Variants in PAM observed in about 807,000 individuals in gnomAD.
The protein encoded by PAM is peptidyl-glycine alpha-amidating monooxygenase.
A neutral mutation model predicts 122.1 loss-of-function variants in PAM; 72 were observed. That is an observed-to-expected ratio of 0.59 (90% CI 0.49 to 0.72). The LOEUF (loss-of-function observed/expected upper bound fraction) is 0.72. PAM is among the 30% of genes least tolerant of loss of function. The pLI, the probability that PAM is intolerant of heterozygous loss-of-function variation, is 0.00. For missense variants in PAM, 1,106 were observed against 1,183.7 expected, an observed-to-expected ratio of 0.93 and a Z score of 0.96; for synonymous variants, 389 against 404.4, an observed-to-expected ratio of 0.96 and a Z score of 0.46.
chr5:102,990,915 T>A (rs1422691550), intron 16 of PAM, among the ~76,000 whole-genome samples: 1 of 152,146 alleles, frequency 6.6e-6, no homozygotes, highest in Non-Finnish European at 1.5e-5. Context: ...GGCCTTAAGG[T>A]TTTAATATAG....
chr5:102,921,595 G>A (rs767040961), intron 5 of PAM, among the ~76,000 whole-genome samples: 7 of 151,904 alleles, frequency 4.6e-5, no homozygotes, highest in Non-Finnish European at 8.8e-5. Context: ...TGTAAAACAG[G>A]GTTTTAAAAA....
Position 102,896,307 on chromosome 5 carries a change from G to A in PAM, c.211-5049G>A, listed in dbSNP as rs143338520. ...TTCTTCTCATCATCAGCCACAGTGT[G>A]ATTATAGTTTAAAAATGCAAATGGG... On this transcript the variant is annotated intron_variant, in intron 3 of 25. Transcript: ENST00000438793. Among the ~76,000 whole-genome samples the A allele has an allele frequency of 8.0e-3, 1,216 of 151,716 alleles. 22 individuals are homozygous for A. The highest frequency in any genetic ancestry group is 0.027 in the African/African-American group (1,137 of 41,448).
At chr5:102,824,262 A>G (rs1772919746) in intron 1 of PAM, among the ~76,000 whole-genome samples, 2 of 152,234 alleles carry the variant, frequency 1.3e-5, no homozygotes, top group African/African-American at 4.8e-5. Context: ...TACGGAACCA[A>G]ATTCCGTGGC....
At chr5:103,003,534 A>G (rs1778034673) in intron 17 of PAM, among the ~76,000 whole-genome samples, 2 of 151,926 alleles carry the variant, frequency 1.3e-5, no homozygotes, top group South Asian at 2.1e-4. Context: ...CATTGTATAC[A>G]TATGTCATAA....
intron 21 of PAM, among the ~76,000 whole-genome samples, chr5:103,013,372 T>C (rs188367446): frequency 7.5e-4 from 115 of 152,340 alleles, no homozygotes; most frequent in East Asian, 3.3e-3. Flanking sequence ...ATTGTTCACA[T>C]TGGCATATAA....
chr5:102,758,981 G>A (rs1253015437), intron 1 of PAM, among the ~76,000 whole-genome samples: 3 of 152,080 alleles, frequency 2.0e-5, no homozygotes, highest in African/African-American at 7.2e-5. Context: ...TGTTTATTCA[G>A]CCCACACTAA....
At chr5:102,930,879 T>C (rs1751274286) in intron 7 of PAM, among the ~76,000 whole-genome samples, 1 of 152,242 alleles carries the variant, frequency 6.6e-6, no homozygotes, top group Admixed American at 6.5e-5. Flanking sequence ...TAGGATGTAC[T>C]CTAATTAGAA....
At chr5:103,019,152 G>C (rs1363360516) in intron 22 of PAM, among the ~76,000 whole-genome samples, 1 of 152,062 alleles carries the variant, frequency 6.6e-6, no homozygotes, top group East Asian at 1.9e-4. Context: ...GGGGGGGACT[G>C]TTACAATACA....
intron 15 of PAM, among the ~76,000 whole-genome samples, chr5:102,977,663 C>CACACAG (rs930992943): frequency 1.8e-4 from 11 of 60,508 alleles, no homozygotes; most frequent in African/African-American, 8.2e-4. Flanking sequence ...TGTGCGCACA[C>CACACAG]ACACACACAC....
At chr5:102,780,943 C>T (rs1204703036) in intron 1 of PAM, among the ~76,000 whole-genome samples, 1 of 151,344 alleles carries the variant, frequency 6.6e-6, no homozygotes, top group Non-Finnish European at 1.5e-5. Context: ...TGTTTAGCAG[C>T]ATCTCTGGCT....
intron 1 of PAM, among the ~76,000 whole-genome samples, chr5:102,799,216 G>T (rs1043482843): frequency 1.3e-5 from 2 of 152,116 alleles, no homozygotes; most frequent in Non-Finnish European, 2.9e-5. Context: ...TAACAAACAG[G>T]ATGCTTTGCA....
In PAM at chr5:102,981,983, C is replaced by A. The variant is rs528399852; in HGVS notation, c.1483+7547C>A. 4.6e-5 allele frequency among the ~76,000 whole-genome samples: 7 copies of A among 152,214 alleles called. No individual in the cohort carries two copies. In the South Asian group the frequency reaches 1.5e-3, roughly 32 times the overall value. On this transcript the variant is annotated intron_variant, in intron 15 of 25. Coordinates refer to ENST00000438793, the MANE Select transcript of PAM (RefSeq NM_001177306.2). ...ATGTCACCCCATGTTTTAAATTTCC[C>A]ATGGACATACACCATCAGAGAGCCT...
At chr5:102,784,280 G>T (rs1221044034) in intron 1 of PAM, among the ~76,000 whole-genome samples, 1 of 152,072 alleles carries the variant, frequency 6.6e-6, no homozygotes, top group East Asian at 1.9e-4. Flanking sequence ...CAGCCTTTCT[G>T]TCCCTAGCAC....
intron 1 of PAM, chr5:102,865,360 A>T (rs1785239352): frequency 1.3e-5 from 2 of 152,096 alleles, no homozygotes; most frequent in African/African-American, 4.8e-5. Context: ...TTTCTATCTG[A>T]TTACTGTGGT....
At chr5:102,840,002 A>G (rs1730266005) in intron 1 of PAM, among the ~76,000 whole-genome samples, 2 of 152,184 alleles carry the variant, frequency 1.3e-5, no homozygotes, top group Non-Finnish European at 2.9e-5. Flanking sequence ...TCTATTAATC[A>G]TTATACTAGA....
At chr5:103,024,668 G>T (rs1215201181) in intron 23 of PAM, among the ~76,000 whole-genome samples, 1 of 152,000 alleles carries the variant, frequency 6.6e-6, no homozygotes, top group East Asian at 1.9e-4. Flanking sequence ...TATGAAGGAG[G>T]TCCTATTATT....
chr5:102,892,069 G>C (rs775339163), intron 3 of PAM, among the ~76,000 whole-genome samples: 25 of 151,668 alleles, frequency 1.6e-4, no homozygotes, highest in Non-Finnish European at 3.2e-4. Flanking sequence ...GTATAATTCT[G>C]GCCATTTAGA....
At chr5:102,801,430 C>T (rs139664703) in intron 1 of PAM, among the ~76,000 whole-genome samples, 66 of 152,292 alleles carry the variant, frequency 4.3e-4, no homozygotes, top group Admixed American at 2.6e-4. Context: ...AAGCTATTGA[C>T]ATCATTTGGG....
chr5:102,949,739 T>C (rs1758167118), intron 10 of PAM, 122 bp downstream of exon 10: 2 of 708,862 alleles, frequency 2.8e-6, no homozygotes, highest in Non-Finnish European at 5.0e-6. Context: ...ATATAAGACC[T>C]TGAAATATTT....
Sources: allele counts gnomAD v4.1 joint callset (sites outside exome capture counted in the v4.1 genomes callset), GRCh38; gene constraint gnomAD v4.1.1; transcripts MANE v1.5; gene names NCBI Gene and HGNC (gene_info 2026-07-23, HGNC 2026-07-21).